Variants in PYM1 observed in about 807,000 individuals in gnomAD.
PYM1 encodes the protein PYM1 exon junction complex associated factor.
In PYM1, 7 loss-of-function variants were observed where a neutral mutation model predicts 20.7. The ratio of observed to expected loss-of-function variants is 0.34; its 90% CI spans 0.19 to 0.64. The LOEUF (loss-of-function observed/expected upper bound fraction) is 0.64, where lower values mean the gene tolerates loss of function less well. PYM1 is among the 30% of genes least tolerant of loss of function. The probability of loss-of-function intolerance (pLI) is 0.74; values close to 1 mark genes in which losing one functional copy is unlikely to be tolerated. For missense variants in PYM1, 194 were observed against 250.0 expected (o/e 0.78, Z 1.51); for synonymous variants, 100 against 99.2 (o/e 1.01, Z -0.05).
rs192743705 is a variant in PYM1, at chr12:55,907,710, G to A, written c.38-4230C>T. 7.3e-5 allele frequency among the ~76,000 whole-genome samples: 11 copies of A among 151,386 alleles called. No homozygotes were observed. In the East Asian group the frequency reaches 1.9e-3, roughly 27 times the overall value. On this transcript the variant is annotated intron_variant, in intron 1 of 2. Coordinates refer to ENST00000408946, the MANE Select transcript of PYM1 (RefSeq NM_032345.3). Reference sequence around the variant, plus strand: ...TCCCAGCACTTTGGGAAGCTGAGGTGAGTGGATCACTTAAGGTCAGGAGTT... The same window carrying A: ...TCCCAGCACTTTGGGAAGCTGAGGTAAGTGGATCACTTAAGGTCAGGAGTT...
intron 1 of PYM1, among the ~76,000 whole-genome samples, chr12:55,905,920 AT>A (rs1306153110): frequency 2.3e-4 from 26 of 111,198 alleles, no homozygotes; most frequent in African/African-American, 2.7e-4. Flanking sequence ...TATATATATT[AT>A]TATATATATC....
At chr12:55,914,221 C>CTGTGGAAGCCCTCAGAGATACAA in intron 1 of PYM1, 1 of 687,340 alleles carries the variant, frequency 1.5e-6, no homozygotes, top group African/African-American at 1.8e-5. Context: ...CTTGAATGGC[C>CTGTGGAAGCCCTCAGAGATACAA]ATCCTGTGTG....
chr12:55,927,450 T>A (rs1883214515), intron 1 of PYM1: 1 of 698,182 alleles, frequency 1.4e-6, no homozygotes, highest in Non-Finnish European at 2.6e-6. Flanking sequence ...AAGGCCCACC[T>A]GCACCCAAAA....
intron 1 of PYM1, among the ~76,000 whole-genome samples, chr12:55,916,680 C>A (rs1883013692): frequency 6.6e-6 from 1 of 152,070 alleles, no homozygotes; most frequent in Non-Finnish European, 1.5e-5. Context: ...TGTCTGTAAT[C>A]CCAGCTACTC....
rs781283849 is a variant in PYM1 at position 55,902,002 on chromosome 12, C to T, written c.485G>A (p.Arg162Gln). Residue 162 changes from arginine (R) to glutamine (Q), a missense_variant, in exon 3 of 3, where the codon CGG (arginine) becomes CAG (glutamine). By Grantham distance (43) the Arg-to-Gln change is conservative (BLOSUM62 1). Transcript: ENST00000408946. The stretch of plus-strand genomic sequence containing the variant: ...CCGCTGCTGCAGCTCTTCCACCTGC[C>T]GGAGTTTCTTCTTTAGGTTCTTTAT... ...KKIKNLKKKLRQVEELQQRIQ... is the reference protein window; with the variant it reads ...KKIKNLKKKLQQVEELQQRIQ... The T allele has an allele frequency of 1.9e-6, 3 of 1,614,124 alleles. No individual in the cohort carries two copies. The highest frequency in any genetic ancestry group is 1.7e-5 in the Admixed American group (1 of 60,000).
chr12:55,918,846 C>T (rs902875526), intron 1 of PYM1, among the ~76,000 whole-genome samples: 6 of 152,018 alleles, frequency 3.9e-5, no homozygotes, highest in South Asian at 2.1e-4. Flanking sequence ...CCAGCCTGGG[C>T]GACAGAGCAA....
rs1882803625 is a variant in PYM1, at chr12:55,905,934, A to ATAGATATATATATTATTATATATATCTAT, written c.38-2455_38-2454insATAGATATATATAATAATATATATATCTA. 5.7e-5 allele frequency among the ~76,000 whole-genome samples: 4 copies of ATAGATATATATATTATTATATATATCTAT among 70,238 alleles called. 1 individual carries two copies. Among genetic ancestry groups the ATAGATATATATATTATTATATATATCTAT allele is most frequent in the Non-Finnish European group, 1.1e-4 (4 of 37,974 alleles). 46.1% of individuals were successfully genotyped at this position (70,238 alleles called of 152,430 possible). On this transcript the variant is annotated intron_variant, in intron 1 of 2. Transcript: ENST00000408946. ...ATATATATATTATTATATATATCTA[A>ATAGATATATATATTATTATATATATCTAT]TAGATATATATATTATTATATATAT... is the stretch of plus-strand genomic sequence containing the variant.
rs531029355 is a variant in PYM1, at chr12:55,926,808, G to A, written c.37+917C>T. ...AAGAGATATGAGTGGTCCAACTGCT[G>A]GAGAAAAGCTAAGGGCCCGTGAGGG... is the stretch of plus-strand genomic sequence containing the variant. On this transcript the variant is annotated intron_variant, in intron 1 of 2. Coordinates refer to ENST00000408946, the MANE Select transcript of PYM1 (RefSeq NM_032345.3). Among the ~76,000 whole-genome samples, 5 of 152,276 alleles carry A rather than the reference G, an allele frequency of 3.3e-5. No individual in the cohort carries two copies. The East Asian group carries it at 9.7e-4, about 29-fold the overall frequency.
intron 1 of PYM1, among the ~76,000 whole-genome samples, chr12:55,907,509 T>C (rs1473899704): frequency 6.6e-6 from 1 of 150,410 alleles, no homozygotes; most frequent in Non-Finnish European, 1.5e-5. Context: ...CGGCATGCGC[T>C]TGTAATCCCA....
chr12:55,913,327 A>C (rs2136263269), intron 1 of PYM1, among the ~76,000 whole-genome samples: 1 of 152,368 alleles, frequency 6.6e-6, no homozygotes, highest in Admixed American at 6.5e-5. Flanking sequence ...GGACTGAATT[A>C]ATGAATAAAT....
chr12:55,908,232 G>C (rs1231641139), intron 1 of PYM1, among the ~76,000 whole-genome samples: 1 of 150,778 alleles, frequency 6.6e-6, no homozygotes, highest in African/African-American at 2.4e-5. Flanking sequence ...GACAGAGAAA[G>C]ACTCCATCTC....
At chr12:55,917,432 AAATT>A (rs973093619) in intron 1 of PYM1, among the ~76,000 whole-genome samples, 1 of 152,220 alleles carries the variant, frequency 6.6e-6, no homozygotes, top group African/African-American at 2.4e-5. Context: ...AAACAAAAAA[AAATT>A]AATTAATTAA....
At chr12:55,902,444 A>G in intron 2 of PYM1, 89 bp from the exon 3 acceptor site, 2 of 1,484,822 alleles carry the variant, frequency 1.3e-6, no homozygotes, top group Non-Finnish European at 1.8e-6. Flanking sequence ...CATCCTCATT[A>G]CATTCTTGCT....
At chr12:55,918,213 T>C (rs1216531788) in intron 1 of PYM1, among the ~76,000 whole-genome samples, 1 of 151,470 alleles carries the variant, frequency 6.6e-6, no homozygotes, top group African/African-American at 2.4e-5. Flanking sequence ...TTCTCCTGCC[T>C]CAGTCTCCCG....
chr12:55,908,570 G>C (rs906438407), intron 1 of PYM1, among the ~76,000 whole-genome samples: 9 of 152,024 alleles, frequency 5.9e-5, no homozygotes, highest in Admixed American at 5.3e-4. Context: ...AAACAAAAAA[G>C]TCCAGGCGCA....
At chr12:55,927,363 A>C in intron 1 of PYM1, 1 of 725,994 alleles carries the variant, frequency 1.4e-6, no homozygotes, top group East Asian at 2.7e-5. Context: ...CAGGGAGCCA[A>C]GAGAAGTTCC....
chr12:55,901,909 A>G lies in PYM1; in HGVS notation c.578T>C (p.Leu193Pro). The change falls in exon 3 of 3, where the codon CTA becomes CCA. Residue 193 changes from leucine to proline, a missense_variant. Leu to Pro is a moderately conservative substitution (Grantham distance 98, BLOSUM62 -3). Coordinates refer to ENST00000408946, the MANE Select transcript of PYM1 (RefSeq NM_032345.3). ...CTCCAAGTCCTCTAACTCCTCTTCTAGCGCCCTCCTCCTTGCTAGCTTTTC... is the reference window on the plus strand; with the variant it reads ...CTCCAAGTCCTCTAACTCCTCTTCTGGCGCCCTCCTCCTTGCTAGCTTTTC... ...QLEKLARRRA[L>P]EEELEDLELG... The G allele has an allele frequency of 6.2e-7, 1 of 1,613,392 alleles. No homozygotes were observed. The highest frequency in any genetic ancestry group is 8.5e-7 in the Non-Finnish European group (1 of 1,179,820).
At chr12:55,917,949 G>A (rs1883035633) in intron 1 of PYM1, among the ~76,000 whole-genome samples, 1 of 151,578 alleles carries the variant, frequency 6.6e-6, no homozygotes, top group African/African-American at 2.4e-5. Flanking sequence ...AACAAAGCAA[G>A]ACTCCATCAC....
At chr12:55,920,377 G>A (rs1007866039) in intron 1 of PYM1, among the ~76,000 whole-genome samples, 7 of 152,094 alleles carry the variant, frequency 4.6e-5, no homozygotes, top group Non-Finnish European at 1.0e-4. Context: ...GGTGGCTCAT[G>A]CCTGTAATTC....
Sources: allele counts gnomAD v4.1 joint callset (sites outside exome capture counted in the v4.1 genomes callset), GRCh38; gene constraint gnomAD v4.1.1; transcripts MANE v1.5; gene names NCBI Gene and HGNC (gene_info 2026-07-23, HGNC 2026-07-21).